EXOC4: variants seen among roughly 807,000 people sequenced by gnomAD.
The protein encoded by EXOC4 is SEC8-like 1.
A neutral mutation model predicts 107.2 loss-of-function variants in EXOC4; 71 were observed. That is an observed-to-expected ratio of 0.66 (90% CI 0.55 to 0.81). The LOEUF is 0.81. EXOC4 is among the 30% of genes least tolerant of loss of function. The pLI, the probability that EXOC4 is intolerant of heterozygous loss-of-function variation, is 0.00. For missense variants in EXOC4, 1,108 were observed against 1,189.6 expected (o/e 0.93, Z 1.01); for synonymous variants, 456 against 441.2 (o/e 1.03, Z -0.42).
intron 10 of EXOC4, among the ~76,000 whole-genome samples, chr7:133,671,070 C>T (rs1445710962): frequency 6.6e-6 from 1 of 152,132 alleles, no homozygotes; most frequent in Non-Finnish European, 1.5e-5. Context: ...TAGAGGACAA[C>T]AGCCCTGAGA....
chr7:133,661,496 G>A (rs952164955), intron 10 of EXOC4, among the ~76,000 whole-genome samples: 1 of 151,918 alleles, frequency 6.6e-6, no homozygotes, highest in African/African-American at 2.4e-5. Flanking sequence ...CATTTAGCTG[G>A]CCCTATGGAT....
chr7:133,532,789 T>A (rs576157927), intron 9 of EXOC4, among the ~76,000 whole-genome samples: 1 of 152,192 alleles, frequency 6.6e-6, no homozygotes, highest in Non-Finnish European at 1.5e-5. Context: ...TTCAGATAAT[T>A]TTAGAAAATT....
chr7:133,386,943 A>G (rs527458501), intron 7 of EXOC4, among the ~76,000 whole-genome samples: 3 of 152,188 alleles, frequency 2.0e-5, no homozygotes, highest in African/African-American at 7.2e-5. Context: ...GAACCCCATT[A>G]TTTGGTCTAT....
At chr7:133,259,760 A>T (rs1457655304) in intron 1 of EXOC4, among the ~76,000 whole-genome samples, 1 of 152,168 alleles carries the variant, frequency 6.6e-6, no homozygotes. Flanking sequence ...TCCCTTTTCT[A>T]TGTGAATGTA....
At chr7:134,086,538 G>T in the EXOC4 span, among the ~76,000 whole-genome samples, 1 of 152,262 alleles carries the variant, frequency 6.6e-6, no homozygotes, top group Non-Finnish European at 1.5e-5. Context: ...AAAACAAGTA[G>T]AAGTTTAGTA....
At chr7:133,561,254 T>TA (rs1271880301) in intron 9 of EXOC4, among the ~76,000 whole-genome samples, 12 of 152,210 alleles carry the variant, frequency 7.9e-5, no homozygotes, top group African/African-American at 2.9e-4. Context: ...GGATTGGCCT[T>TA]TAGGTAGCCA....
intron 9 of EXOC4, among the ~76,000 whole-genome samples, chr7:133,585,481 G>A (rs2150971926): frequency 6.6e-6 from 1 of 152,204 alleles, no homozygotes; most frequent in East Asian, 1.9e-4. Flanking sequence ...ACTGTCATTG[G>A]CCAGGGGTGG....
At chr7:133,404,325 G>T (rs188439942) in intron 7 of EXOC4, among the ~76,000 whole-genome samples, 1 of 151,824 alleles carries the variant, frequency 6.6e-6, no homozygotes, top group African/African-American at 2.4e-5. Flanking sequence ...GGATGGTCTC[G>T]ATCTCCTGAC....
intron 10 of EXOC4, among the ~76,000 whole-genome samples, chr7:133,761,530 CTT>C (rs1796032235): frequency 1.3e-5 from 2 of 152,202 alleles, no homozygotes; most frequent in Admixed American, 1.3e-4. Flanking sequence ...ATATCTGACT[CTT>C]TACAAAACAG....
chr7:133,886,101 T>C (rs1028761067), intron 11 of EXOC4, among the ~76,000 whole-genome samples: 1 of 152,128 alleles, frequency 6.6e-6, no homozygotes, highest in African/African-American at 2.4e-5. Context: ...TCCCAAACCA[T>C]GAAACACTGT....
intron 17 of EXOC4, among the ~76,000 whole-genome samples, chr7:134,017,057 G>A (rs1051649496): frequency 1.3e-5 from 2 of 152,138 alleles, no homozygotes; most frequent in Non-Finnish European, 2.9e-5. Flanking sequence ...GAACAATTTT[G>A]TTTCTGAGAA....
At chr7:133,568,651 T>C (rs368235211) in intron 9 of EXOC4, among the ~76,000 whole-genome samples, 1 of 152,096 alleles carries the variant, frequency 6.6e-6, no homozygotes, top group African/African-American at 2.4e-5. Flanking sequence ...GTGTCCCTCA[T>C]AGAGCATATT....
intron 9 of EXOC4, among the ~76,000 whole-genome samples, chr7:133,615,709 T>G (rs1203706126): frequency 6.6e-6 from 1 of 152,204 alleles, no homozygotes; most frequent in Non-Finnish European, 1.5e-5. Flanking sequence ...TTTTTAGGCT[T>G]AAGTTGCTTT....
Position 133,374,952 on chromosome 7 carries a change from A to G in EXOC4, c.1132A>G (p.Lys378Glu). Residue 378 changes from lysine (K) to glutamate (E), a missense_variant, in exon 7 of 18, where the codon AAA becomes GAA. Coordinates refer to ENST00000253861, the MANE Select transcript of EXOC4 (RefSeq NM_021807.4). ...VTPLTQQEDI[K>E]LYDMADVWVK... ...TCCACTGACTCAGCAGGAAGATATC[A>G]AACTGTATGATATGGCAGATGTATG... is the stretch of plus-strand genomic sequence containing the variant. 6.2e-7 allele frequency: 1 copy of G among 1,614,122 alleles called. No individual in the cohort carries two copies. Among genetic ancestry groups the G allele is most frequent in the Non-Finnish European group, 8.5e-7 (1 of 1,180,004 alleles).
chr7:133,810,915 G>A (rs541854259), intron 10 of EXOC4, among the ~76,000 whole-genome samples: 1 of 152,202 alleles, frequency 6.6e-6, no homozygotes, highest in Admixed American at 6.5e-5. Context: ...TTACAGGTAT[G>A]AGCTACCGCG....
chr7:134,030,657 G>A (rs890663322), intron 17 of EXOC4, among the ~76,000 whole-genome samples: 10 of 151,864 alleles, frequency 6.6e-5, no homozygotes, highest in African/African-American at 2.2e-4. Flanking sequence ...AATAAACCTT[G>A]TTGACCCGCA....
chr7:133,255,461 C>T (rs1794995298), intron 1 of EXOC4, among the ~76,000 whole-genome samples: 1 of 152,184 alleles, frequency 6.6e-6, no homozygotes, highest in Admixed American at 6.5e-5. Context: ...AGGCATGAAC[C>T]ACCGTGCCCA....
At chr7:133,365,893 T>C (rs1248186970) in intron 6 of EXOC4, among the ~76,000 whole-genome samples, 1 of 152,222 alleles carries the variant, frequency 6.6e-6, no homozygotes, top group Non-Finnish European at 1.5e-5. Flanking sequence ...GTCTACGCTC[T>C]GAGTTCACTA....
At chr7:133,450,561 T>A (rs1401457422) in intron 7 of EXOC4, among the ~76,000 whole-genome samples, 1 of 152,206 alleles carries the variant, frequency 6.6e-6, no homozygotes, top group Non-Finnish European at 1.5e-5. Flanking sequence ...GTCTGCTGAC[T>A]GTTGGAATAT....
Sources: gnomAD v4.1 joint callset for allele counts (sites outside exome capture counted in the v4.1 genomes callset) on GRCh38, gnomAD v4.1.1 for gene constraint, MANE v1.5 for transcripts, NCBI Gene and HGNC (gene_info 2026-07-23, HGNC 2026-07-21) for gene names.